Variants in PLPP3 observed in about 807,000 individuals in gnomAD.
PLPP3 encodes PAP2 beta.
A neutral mutation model predicts 29.6 loss-of-function variants in PLPP3; 6 were observed. The observed-to-expected ratio is 0.20, with a 90% CI of 0.11 to 0.40. The LOEUF (loss-of-function observed/expected upper bound fraction) is 0.40. PLPP3 is among the 10% of genes least tolerant of loss of function. The pLI, the probability that PLPP3 is intolerant of heterozygous loss-of-function variation, is 1.00. For missense variants in PLPP3, 308 were observed against 407.7 expected (o/e 0.76, Z 2.11); for synonymous variants, 152 against 159.7 (o/e 0.95, Z 0.36).
chr1:56,553,057 T>C (rs539228559), intron 1 of PLPP3, among the ~76,000 whole-genome samples: 1 of 152,324 alleles, frequency 6.6e-6, no homozygotes, highest in East Asian at 1.9e-4. Context: ...TCCTAGGGCC[T>C]TCATCAGAGT....
At chr1:56,557,026 A>AAAGAAAGAG (rs1553139342) in intron 1 of PLPP3, among the ~76,000 whole-genome samples, 5 of 9,522 alleles carry the variant, frequency 5.3e-4, no homozygotes, top group East Asian at 2.0e-3. Flanking sequence ...GAGAGAGAGA[A>AAAGAAAGAG]AGAGAGAGAG....
chr1:56,502,796 G>A (rs1645676968), intron 5 of PLPP3, among the ~76,000 whole-genome samples: 1 of 152,178 alleles, frequency 6.6e-6, no homozygotes, highest in African/African-American at 2.4e-5. Flanking sequence ...GCTACTCAAG[G>A]GCATGGATCG....
chr1:56,499,186 C>T (rs1645649946), intron 5 of PLPP3, among the ~76,000 whole-genome samples: 1 of 151,290 alleles, frequency 6.6e-6, no homozygotes, highest in South Asian at 2.1e-4. Context: ...CCTAGGGTTT[C>T]CATTTCCTAA....
At chr1:56,559,365 G>A (rs760996344) in intron 1 of PLPP3, among the ~76,000 whole-genome samples, 49 of 152,140 alleles carry the variant, frequency 3.2e-4, no homozygotes, top group Non-Finnish European at 5.9e-4. Context: ...TCTGGGGAGT[G>A]GAATTTAGAG....
intron 1 of PLPP3, among the ~76,000 whole-genome samples, chr1:56,555,389 C>CAAT (rs1646067851): frequency 8.4e-6 from 1 of 118,402 alleles, no homozygotes; most frequent in South Asian, 2.8e-4. Context: ...TGTGTGTGTG[C>CAAT]AATTTGCCAT....
At chr1:56,505,403 T>C (rs554693614) in intron 5 of PLPP3, among the ~76,000 whole-genome samples, 104 of 152,330 alleles carry the variant, frequency 6.8e-4, no homozygotes, top group Non-Finnish European at 1.2e-3. Context: ...TCATCCATCT[T>C]AGCAGGGGAA....
chr1:56,540,013 CAT>C (rs1222809526), intron 1 of PLPP3, among the ~76,000 whole-genome samples: 1 of 152,094 alleles, frequency 6.6e-6, no homozygotes, highest in East Asian at 1.9e-4. Context: ...ATAGTGCTCA[CAT>C]GATAGGCCTG....
At chr1:56,559,152 A>G (rs1646103556) in intron 1 of PLPP3, among the ~76,000 whole-genome samples, 1 of 152,154 alleles carries the variant, frequency 6.6e-6, no homozygotes, top group Admixed American at 6.5e-5. Context: ...CAGCTTAAAG[A>G]ATGGAAACTC....
intron 1 of PLPP3, chr1:56,539,029 T>C (rs1645950661): frequency 6.8e-6 from 1 of 147,362 alleles, no homozygotes; most frequent in Admixed American, 6.9e-5. Context: ...GGGTTCTTTA[T>C]ATCCATTTTT....
chr1:56,498,644 T>G (rs1344802731), intron 5 of PLPP3, among the ~76,000 whole-genome samples: 1 of 151,900 alleles, frequency 6.6e-6, no homozygotes, highest in Non-Finnish European at 1.5e-5. Flanking sequence ...CTTTCTTTTT[T>G]TTTTTTTAAG....
chr1:56,513,266 G>C (rs1006436561), intron 4 of PLPP3: 4 of 152,588 alleles, frequency 2.6e-5, no homozygotes, highest in Admixed American at 6.5e-5. Context: ...TCCCCTCAGA[G>C]TTATCTTGCT....
At chr1:56,551,192 C>T (rs888270743) in intron 1 of PLPP3, among the ~76,000 whole-genome samples, 10 of 152,146 alleles carry the variant, frequency 6.6e-5, no homozygotes, top group African/African-American at 9.7e-5. Flanking sequence ...GGTATCCTTG[C>T]GCACAATGTG....
intron 1 of PLPP3, among the ~76,000 whole-genome samples, chr1:56,570,590 TA>T (rs1349366944): frequency 5.3e-5 from 8 of 152,192 alleles, no homozygotes; most frequent in Admixed American, 2.0e-4. Context: ...AAGGGAAGAA[TA>T]ATTTCACAAG....
intron 1 of PLPP3, among the ~76,000 whole-genome samples, chr1:56,554,557 G>C (rs1646061537): frequency 7.0e-6 from 1 of 143,184 alleles, no homozygotes; most frequent in Non-Finnish European, 1.5e-5. Flanking sequence ...GGGCGACAGA[G>C]CAAGACTCCA....
intron 4 of PLPP3, among the ~76,000 whole-genome samples, chr1:56,518,140 G>T (rs1645795016): frequency 1.3e-5 from 2 of 152,126 alleles, no homozygotes; most frequent in Admixed American, 1.3e-4. Flanking sequence ...GTGAGTGAAT[G>T]ATATAGGGAG....
chr1:56,526,451 C>T (rs561362443), intron 2 of PLPP3, among the ~76,000 whole-genome samples: 22 of 152,266 alleles, frequency 1.4e-4, no homozygotes, highest in African/African-American at 5.1e-4. Flanking sequence ...TCTTTCCTAC[C>T]ATTCATGATC....
At position 56,496,817 on chromosome 1, in the gene PLPP3, G is replaced by C. The variant is rs945610260; in HGVS notation, c.811-141C>G. On this transcript the variant is annotated intron_variant, in intron 5 of 5. Coordinates refer to ENST00000371250, the MANE Select transcript of PLPP3 (RefSeq NM_003713.5). Reference sequence around the variant, plus strand: ...TCTTTGAATAGGGAAGGACAACAGAGATCATATCATCAAGGTTTATTGTAC... The same window carrying C: ...TCTTTGAATAGGGAAGGACAACAGACATCATATCATCAAGGTTTATTGTAC... 2.1e-5 allele frequency: 17 copies of C among 808,166 alleles called. No individual in the cohort carries two copies. The African/African-American group carries it at 2.6e-4, about 12-fold the overall frequency. 50.1% of individuals were successfully genotyped at this position (808,166 alleles called of 1,614,324 possible).
intron 4 of PLPP3, among the ~76,000 whole-genome samples, chr1:56,518,166 C>T (rs1645795146): frequency 6.6e-6 from 1 of 152,152 alleles, no homozygotes; most frequent in Non-Finnish European, 1.5e-5. Context: ...AGAGGAAAAA[C>T]ATCTGGTACA....
At position 56,547,368 on chromosome 1, in the gene PLPP3, A is replaced by C. The variant is rs142625915; in HGVS notation, c.140-10256T>G. On this transcript the variant is annotated intron_variant, in intron 1 of 5. Transcript: ENST00000371250. ...GGCCCCCTACCAAATACACTCTAGGACTTGTGGATCGTTTTCTCCCCACTT... is the reference window on the plus strand; with the variant it reads ...GGCCCCCTACCAAATACACTCTAGGCCTTGTGGATCGTTTTCTCCCCACTT... 3.3e-5 allele frequency among the ~76,000 whole-genome samples: 5 copies of C among 152,294 alleles called. No homozygotes were observed. The East Asian group carries it at 7.7e-4, about 24-fold the overall frequency.
Sources: gnomAD v4.1 joint callset for allele counts (sites outside exome capture counted in the v4.1 genomes callset) on GRCh38, gnomAD v4.1.1 for gene constraint, MANE v1.5 for transcripts, NCBI Gene and HGNC (gene_info 2026-07-23, HGNC 2026-07-21) for gene names.